The following MYO16 variants were observed in gnomAD, a reference collection of about 807,000 sequenced individuals.
The protein encoded by MYO16 is unconventional myosin-XVI.
MYO16 carries 94 observed loss-of-function variants against 205.3 expected under a neutral mutation model. That is an observed-to-expected ratio of 0.46 (90% CI 0.39 to 0.54). The LOEUF is 0.54. Among genes scored for constraint, MYO16 ranks in the 20% least tolerant of loss-of-function variants. The pLI is 0.00. For missense variants in MYO16, 2,315 were observed against 2,387.5 expected (o/e 0.97, Z 0.63); for synonymous variants, 988 against 954.0 (o/e 1.04, Z -0.66).
Position 108,751,719 on chromosome 13 carries a change from A to AC in MYO16, c.507+24136_507+24137insC, listed in dbSNP as rs1224185458. On this transcript the variant is annotated intron_variant, in intron 4 of 34. Transcript: ENST00000457511. ...CACACCCTTCATGTGATGTCATGGG[A>AC]ATGGCTTTCTACCTCTGTGAGACAC... Among the ~76,000 whole-genome samples the AC allele has an allele frequency of 5.5e-3, 842 of 152,268 alleles. 6 individuals carry two copies. The highest frequency in any genetic ancestry group is 0.019 in the African/African-American group (785 of 41,542).
chr13:108,598,905 G>C (rs1267477747), intron 1 of MYO16, among the ~76,000 whole-genome samples: 3 of 150,488 alleles, frequency 2.0e-5, no homozygotes, highest in African/African-American at 7.4e-5. Flanking sequence ...GTGCCAGTTA[G>C]TTACATATGT....
At chr13:108,843,854 A>G (rs969342106) in intron 9 of MYO16, among the ~76,000 whole-genome samples, 1 of 152,140 alleles carries the variant, frequency 6.6e-6, no homozygotes, top group African/African-American at 2.4e-5. Flanking sequence ...GTCCTTAAAG[A>G]TATTATTATT....
intron 20 of MYO16, among the ~76,000 whole-genome samples, chr13:108,979,948 TG>T (rs1271712587): frequency 2.0e-5 from 3 of 152,138 alleles, no homozygotes; most frequent in Non-Finnish European, 4.4e-5. Flanking sequence ...GACAAAATAG[TG>T]GTTAAATTTA....
At chr13:108,954,428 C>T (rs1012505569) in intron 16 of MYO16, among the ~76,000 whole-genome samples, 1 of 152,118 alleles carries the variant, frequency 6.6e-6, no homozygotes, top group African/African-American at 2.4e-5. Flanking sequence ...AGAGGGGTTA[C>T]AGTTTTTTAT....
At chr13:108,972,249 C>CTCTCTATATATATATA (rs1178345437) in intron 20 of MYO16, among the ~76,000 whole-genome samples, 4 of 2,850 alleles carry the variant, frequency 1.4e-3, no homozygotes, top group African/African-American at 1.3e-3. Flanking sequence ...CTCTCTCTCT[C>CTCTCTATATATATATA]TATATATATA....
intron 2 of MYO16, among the ~76,000 whole-genome samples, chr13:108,699,892 C>A (rs1257425772): frequency 1.3e-5 from 2 of 152,114 alleles, no homozygotes; most frequent in East Asian, 3.9e-4. Context: ...ACTCTTCTGT[C>A]AGTTTTTAAG....
At chr13:109,072,412 GT>G (rs1485647269) in intron 27 of MYO16, among the ~76,000 whole-genome samples, 1 of 151,972 alleles carries the variant, frequency 6.6e-6, no homozygotes, top group Non-Finnish European at 1.5e-5. Flanking sequence ...TTTACATTGT[GT>G]CCCCTCACCT....
At chr13:108,909,567 A>G (rs1881163918) in intron 15 of MYO16, among the ~76,000 whole-genome samples, 1 of 151,834 alleles carries the variant, frequency 6.6e-6, no homozygotes, top group South Asian at 2.1e-4. Context: ...TAGTGCAGCC[A>G]TATATAATTC....
intron 4 of MYO16, among the ~76,000 whole-genome samples, chr13:108,768,199 G>A (rs1280566691): frequency 5.3e-5 from 8 of 151,858 alleles, no homozygotes; most frequent in Non-Finnish European, 8.8e-5. Context: ...TTTTCCTACC[G>A]CCCCTGGCTC....
At chr13:108,883,559 C>A (rs1000483035) in intron 13 of MYO16, among the ~76,000 whole-genome samples, 1 of 152,018 alleles carries the variant, frequency 6.6e-6, no homozygotes, top group African/African-American at 2.4e-5. Flanking sequence ...CATTTTATTT[C>A]TTTCCAAAGG....
Position 109,176,577 on chromosome 13 carries a change from TAAAA to T in MYO16, c.5324-2944_5324-2941del, listed in dbSNP as rs36054088. On this transcript the variant is annotated intron_variant, in intron 33 of 34. Transcript: ENST00000457511. ...GCAGCTAAATAAAATATTGTGCTGGTAAAAAAAAAAAAAAAAAAAAAAAAGACCT... is the reference window on the plus strand; with the variant it reads ...GCAGCTAAATAAAATATTGTGCTGGTAAAAAAAAAAAAAAAAAAAAGACCT... Among the ~76,000 whole-genome samples, 217 of 44,950 alleles carry T rather than the reference TAAAA, an allele frequency of 4.8e-3. 11 individuals are homozygous for T. The highest frequency in any genetic ancestry group is 0.017 in the African/African-American group (192 of 10,996). 29.5% of individuals were successfully genotyped at this position (44,950 alleles called of 152,430 possible).
chr13:108,744,952 T>C lies in MYO16; in HGVS notation c.507+17369T>C, dbSNP rs187266520. Among the ~76,000 whole-genome samples, 50 of 152,332 alleles carry C rather than the reference T, an allele frequency of 3.3e-4. 1 individual carries two copies. Among genetic ancestry groups the C allele is most frequent in the African/African-American group, 1.2e-3 (48 of 41,574 alleles). On this transcript the variant is annotated intron_variant, in intron 4 of 34. Coordinates refer to ENST00000457511, the MANE Select transcript of MYO16 (RefSeq NM_001198950.3). ...TCTATCTTTGGTAAAAATGCTTACT[T>C]AATATTAACAGTGATTAGAACCATA...
intron 4 of MYO16, among the ~76,000 whole-genome samples, chr13:108,749,492 G>A (rs754264417): frequency 6.6e-6 from 1 of 152,186 alleles, no homozygotes; most frequent in African/African-American, 2.4e-5. Flanking sequence ...GAAGATATAC[G>A]ATGGCAAATA....
chr13:108,969,255 AT>A (rs1956004912), intron 20 of MYO16, among the ~76,000 whole-genome samples: 2 of 152,246 alleles, frequency 1.3e-5, no homozygotes, highest in African/African-American at 4.8e-5. Context: ...CTTAAATTAC[AT>A]CAAATTATTT....
At chr13:108,794,280 A>G (rs1483840186) in intron 6 of MYO16, among the ~76,000 whole-genome samples, 1 of 152,184 alleles carries the variant, frequency 6.6e-6, no homozygotes, top group Non-Finnish European at 1.5e-5. Flanking sequence ...AAAACACACA[A>G]TTTACCCATG....
intron 9 of MYO16, among the ~76,000 whole-genome samples, chr13:108,828,178 A>G (rs1295117225): frequency 6.6e-6 from 1 of 152,196 alleles, no homozygotes; most frequent in Admixed American, 6.5e-5. Context: ...TGGAGCTTCA[A>G]GAACATGACT....
intron 20 of MYO16, among the ~76,000 whole-genome samples, chr13:108,979,397 T>C (rs1756011387): frequency 6.6e-6 from 1 of 152,076 alleles, no homozygotes; most frequent in African/African-American, 2.4e-5. Context: ...TTCTAAATAT[T>C]TTGTCTTTAT....
intron 1 of MYO16, among the ~76,000 whole-genome samples, chr13:108,637,878 T>C (rs1274593760): frequency 6.6e-6 from 1 of 151,890 alleles, no homozygotes; most frequent in East Asian, 1.9e-4. Context: ...GATTAATTAA[T>C]TAATTAATTA....
chr13:108,495,943 C>A, the MYO16 span, among the ~76,000 whole-genome samples: 1 of 151,940 alleles, frequency 6.6e-6, no homozygotes, highest in Admixed American at 6.5e-5. Flanking sequence ...GTCGGCGGGG[C>A]GCTGCGCGCG....
Sources: gnomAD v4.1 joint callset for allele counts (sites outside exome capture counted in the v4.1 genomes callset) on GRCh38, gnomAD v4.1.1 for gene constraint, MANE v1.5 for transcripts, NCBI Gene and HGNC (gene_info 2026-07-23, HGNC 2026-07-21) for gene names.